BMERB1: variants seen among roughly 807,000 people sequenced by gnomAD.
BMERB1 encodes bMERB domain containing 1, also known as bMERB domain-containing protein 1.
Under a neutral mutation model 23.6 loss-of-function variants are expected in BMERB1, and 12 were observed. The observed-to-expected ratio is 0.51, with a 90% confidence interval of 0.33 to 0.82. The LOEUF is 0.82. BMERB1 is among the 40% of genes least tolerant of loss of function. The pLI is 0.03. For synonymous variants in BMERB1, 122 were observed against 96.6 expected, an observed-to-expected ratio of 1.26 and a Z score of -1.54; for missense variants, 247 against 255.4, an observed-to-expected ratio of 0.97 and a Z score of 0.22.
intron 2 of BMERB1, chr16:15,533,213 G>A (rs1028021667): frequency 3.9e-6 from 1 of 256,936 alleles, no homozygotes; most frequent in African/African-American, 2.3e-5. Context: ...ACAGGCATAA[G>A]TGTAGACACT....
At chr16:15,541,626 G>A (rs1305258555) in intron 2 of BMERB1, among the ~76,000 whole-genome samples, 2 of 135,400 alleles carry the variant, frequency 1.5e-5, no homozygotes, top group African/African-American at 2.8e-5. Flanking sequence ...TTTTGAGACA[G>A]AGTCTTGCTC....
intron 1 of BMERB1, among the ~76,000 whole-genome samples, chr16:15,514,374 A>G (rs923988767): frequency 6.6e-6 from 1 of 152,148 alleles, no homozygotes; most frequent in Admixed American, 6.5e-5. Context: ...AGAGGCTTAG[A>G]CCACAGGGCA....
At chr16:15,579,024 G>T (rs911338349) in intron 3 of BMERB1, among the ~76,000 whole-genome samples, 4 of 152,180 alleles carry the variant, frequency 2.6e-5, no homozygotes, top group African/African-American at 9.7e-5. Context: ...AGTTGCTGCA[G>T]CTGAGGCTGG....
At chr16:15,577,540 G>A (rs993548093) in intron 3 of BMERB1, among the ~76,000 whole-genome samples, 8 of 152,206 alleles carry the variant, frequency 5.3e-5, no homozygotes, top group African/African-American at 1.9e-4. Flanking sequence ...TTTAGAGCAG[G>A]AATGAAAGGC....
At chr16:15,563,075 C>T (rs939284249) in intron 2 of BMERB1, among the ~76,000 whole-genome samples, 20 of 152,130 alleles carry the variant, frequency 1.3e-4, no homozygotes, top group South Asian at 2.1e-4. Context: ...AGTCTGTTCT[C>T]GCATTTCTAT....
At chr16:15,454,815 C>T (rs1396586266) in intron 1 of BMERB1, among the ~76,000 whole-genome samples, 1 of 150,720 alleles carries the variant, frequency 6.6e-6, no homozygotes, top group Non-Finnish European at 1.5e-5. Context: ...GATTGCTGTT[C>T]TATTTATGCT....
At chr16:15,555,485 C>T (rs1012949782) in intron 2 of BMERB1, among the ~76,000 whole-genome samples, 1 of 152,074 alleles carries the variant, frequency 6.6e-6, no homozygotes, top group African/African-American at 2.4e-5. Flanking sequence ...GAATAAACTG[C>T]GCTTGAGGAA....
intron 2 of BMERB1, among the ~76,000 whole-genome samples, chr16:15,515,749 T>A (rs1389600133): frequency 6.6e-6 from 1 of 152,170 alleles, no homozygotes; most frequent in Non-Finnish European, 1.5e-5. Flanking sequence ...GAGCGCACAC[T>A]CTGCTCTCAG....
intron 3 of BMERB1, among the ~76,000 whole-genome samples, chr16:15,571,852 G>A (rs541615403): frequency 2.0e-5 from 3 of 151,994 alleles, no homozygotes; most frequent in South Asian, 2.1e-4. Context: ...TCTACTCCGC[G>A]TTTCCTTTAT....
chr16:15,461,419 T>C (rs1203812041), intron 1 of BMERB1, among the ~76,000 whole-genome samples: 8 of 152,130 alleles, frequency 5.3e-5, no homozygotes. Flanking sequence ...TTCTTCTTTC[T>C]TCCCTGCTTC....
chr16:15,517,994 T>TGG (rs1404648842), intron 2 of BMERB1, among the ~76,000 whole-genome samples: 1 of 145,970 alleles, frequency 6.9e-6, no homozygotes, highest in Non-Finnish European at 1.5e-5. Flanking sequence ...TGTGTGTGCA[T>TGG]GTGTGGATGT....
chr16:15,586,687 C>T (rs902512787), intron 5 of BMERB1, 30 bp from the exon 6 acceptor site: 1 of 1,542,804 alleles, frequency 6.5e-7, no homozygotes, highest in Non-Finnish European at 8.8e-7. Flanking sequence ...TCCTTTCTCC[C>T]CCTCTCCCTG....
At chr16:15,576,541 C>T (rs2030864912) in intron 3 of BMERB1, among the ~76,000 whole-genome samples, 2 of 152,082 alleles carry the variant, frequency 1.3e-5, no homozygotes, top group South Asian at 4.1e-4. Flanking sequence ...TCCTGAAGCC[C>T]TAGGGCATTA....
chr16:15,443,172 G>A (rs1261292314), intron 1 of BMERB1, among the ~76,000 whole-genome samples: 3 of 151,858 alleles, frequency 2.0e-5, no homozygotes, highest in Non-Finnish European at 4.4e-5. Context: ...CACTTGAACC[G>A]GGGAGGCAGA....
intron 1 of BMERB1, among the ~76,000 whole-genome samples, chr16:15,463,642 C>T (rs2051155782): frequency 6.6e-6 from 1 of 152,126 alleles, no homozygotes; most frequent in South Asian, 2.1e-4. Flanking sequence ...GTAGCCTTAA[C>T]AATGAATCGT....
chr16:15,559,145 CTA>C (rs1436047702), intron 2 of BMERB1, among the ~76,000 whole-genome samples: 2 of 152,140 alleles, frequency 1.3e-5, no homozygotes, highest in Non-Finnish European at 2.9e-5. Context: ...CTATATGGCA[CTA>C]TGACACATAC....
chr16:15,515,210 T>A (rs1022434536), intron 1 of BMERB1, 95 bp from the exon 2 acceptor site: 161 of 1,556,366 alleles, frequency 1.0e-4, no homozygotes, highest in Non-Finnish European at 1.2e-4. Context: ...TGTATGATGG[T>A]CGCAGAGCAA....
intron 1 of BMERB1, among the ~76,000 whole-genome samples, chr16:15,494,975 C>T (rs1303493708): frequency 2.0e-5 from 3 of 148,724 alleles, no homozygotes; most frequent in Non-Finnish European, 4.4e-5. Flanking sequence ...TCTCTGCCTC[C>T]CGGGTTTAAG....
At chr16:15,475,704 G>C (rs904909265) in intron 1 of BMERB1, among the ~76,000 whole-genome samples, 3 of 152,108 alleles carry the variant, frequency 2.0e-5, no homozygotes, top group African/African-American at 7.2e-5. Context: ...CTTCCACTGG[G>C]TGGGGGATGG....
Sources: allele counts gnomAD v4.1 joint callset (sites outside exome capture counted in the v4.1 genomes callset), GRCh38; gene constraint gnomAD v4.1.1; transcripts MANE v1.5; gene names NCBI Gene and HGNC (gene_info 2026-07-23, HGNC 2026-07-21).